The following L3MBTL4 variants were observed in gnomAD, a reference collection of about 807,000 sequenced individuals.
The protein encoded by L3MBTL4 is lethal(3)malignant brain tumor-like protein 4.
L3MBTL4 carries 70 observed loss-of-function variants against 84.5 expected under a neutral mutation model. That is an observed-to-expected ratio of 0.83 (90% confidence interval 0.68 to 1.01). The LOEUF (loss-of-function observed/expected upper bound fraction) is 1.01, where lower values mean the gene tolerates loss of function less well. Ranked by LOEUF, L3MBTL4 falls within the 50% of genes least tolerant of loss-of-function variation. L3MBTL4 has a pLI of 0.00. For synonymous variants in L3MBTL4, 274 were observed against 259.8 expected (o/e 1.05, Z -0.52); for missense variants, 715 against 754.8 (o/e 0.95, Z 0.62).
In L3MBTL4 at chr18:5,979,761, T is replaced by C. The variant is rs1344202109; in HGVS notation, c.1445-10199A>G. On this transcript the variant is annotated intron_variant, in intron 16 of 18. Coordinates refer to ENST00000317931, the MANE Select transcript of L3MBTL4 (RefSeq NM_001330559.2). ...CAGATAATCCTGAAAAGAAGGGTTG[T>C]CTCTTCTTTAGCAAGGTAAGCCTCT... Among the ~76,000 whole-genome samples the C allele has an allele frequency of 3.3e-5, 5 of 152,294 alleles. 1 individual carries two copies.
intron 1 of L3MBTL4, among the ~76,000 whole-genome samples, chr18:6,394,028 T>A (rs536805174): frequency 6.2e-4 from 88 of 141,860 alleles, no homozygotes; most frequent in African/African-American, 2.2e-3. Context: ...GCTCCTTCTG[T>A]CTGGAACTCT....
chr18:6,379,376 G>C (rs1194332246), intron 1 of L3MBTL4, among the ~76,000 whole-genome samples: 1 of 152,172 alleles, frequency 6.6e-6, no homozygotes, highest in East Asian at 1.9e-4. Flanking sequence ...TGGTGAGATA[G>C]GGCATCCTTG....
At chr18:6,176,774 T>C (rs2085217) in intron 12 of L3MBTL4, among the ~76,000 whole-genome samples, 2,647 of 152,188 alleles carry the variant, frequency 0.017, 76 homozygotes, top group African/African-American at 0.061. Context: ...GCCACAGGCA[T>C]TTGCAATACA....
At chr18:6,155,219 T>A (rs1171367155) in intron 13 of L3MBTL4, among the ~76,000 whole-genome samples, 1 of 152,192 alleles carries the variant, frequency 6.6e-6, no homozygotes, top group East Asian at 1.9e-4. Context: ...TTTCAGCTCA[T>A]TGGTGGTTAT....
intron 9 of L3MBTL4, among the ~76,000 whole-genome samples, chr18:6,239,069 C>T (rs1479716646): frequency 6.6e-6 from 1 of 152,052 alleles, no homozygotes; most frequent in East Asian, 1.9e-4. Context: ...TGGCCAGGCG[C>T]GGTGGCTCAC....
intron 16 of L3MBTL4, among the ~76,000 whole-genome samples, chr18:6,067,563 TTCTAG>T (rs1270259313): frequency 3.3e-5 from 5 of 152,192 alleles, no homozygotes; most frequent in Non-Finnish European, 7.3e-5. Context: ...CCAAGATTCT[TTCTAG>T]TCTATTGAAG....
In L3MBTL4 at chr18:6,366,165, C is replaced by T. The variant is rs149555778; in HGVS notation, c.-91+48636G>A. On this transcript the variant is annotated intron_variant, in intron 1 of 18. Transcript: ENST00000317931. ...AAAAATTATGTCTAAAATTTATAAA[C>T]TTAATAACTAAATTTAATAATTCCT... 6.3e-3 allele frequency among the ~76,000 whole-genome samples: 957 copies of T among 152,236 alleles called. 7 individuals carry two copies. Among genetic ancestry groups the T allele is most frequent in the Middle Eastern group, 0.01 (3 of 294 alleles).
chr18:6,014,247 C>T (rs2054861216), intron 16 of L3MBTL4, among the ~76,000 whole-genome samples: 2 of 152,158 alleles, frequency 1.3e-5, no homozygotes, highest in African/African-American at 4.8e-5. Context: ...CACTTCTCTA[C>T]CGTCTCTTAA....
chr18:6,018,418 T>C (rs1185081006), intron 16 of L3MBTL4, among the ~76,000 whole-genome samples: 2 of 152,176 alleles, frequency 1.3e-5, no homozygotes, highest in East Asian at 1.9e-4. Context: ...CTGCAAAGGC[T>C]AGAACCATGG....
chr18:6,281,205 T>C (rs1274474543), intron 4 of L3MBTL4, among the ~76,000 whole-genome samples: 4 of 152,190 alleles, frequency 2.6e-5, no homozygotes, highest in Admixed American at 2.6e-4. Flanking sequence ...AATAAATTAG[T>C]TTAACATAAT....
intron 16 of L3MBTL4, among the ~76,000 whole-genome samples, chr18:6,032,475 G>T (rs1019450707): frequency 6.6e-6 from 1 of 151,704 alleles, no homozygotes; most frequent in South Asian, 2.1e-4. Context: ...TTGTGATTGT[G>T]GGGGCTGGTA....
chr18:6,336,637 C>G (rs1249326525), intron 1 of L3MBTL4, among the ~76,000 whole-genome samples: 1 of 152,204 alleles, frequency 6.6e-6, no homozygotes, highest in Non-Finnish European at 1.5e-5. Flanking sequence ...AAACTGTAAC[C>G]TAACTTCACC....
chr18:6,409,452 T>G (rs909945194), intron 1 of L3MBTL4, among the ~76,000 whole-genome samples: 7 of 152,162 alleles, frequency 4.6e-5, no homozygotes, highest in African/African-American at 1.7e-4. Flanking sequence ...GCATCAGTGT[T>G]GGGGCTCTAT....
At chr18:6,088,823 A>G in intron 15 of L3MBTL4, among the ~76,000 whole-genome samples, 1 of 152,188 alleles carries the variant, frequency 6.6e-6, no homozygotes, top group East Asian at 1.9e-4. Flanking sequence ...CAAGATCATT[A>G]AGGAACTATT....
intron 5 of L3MBTL4, among the ~76,000 whole-genome samples, chr18:6,252,063 G>A (rs1004220700): frequency 2.0e-5 from 3 of 152,350 alleles, no homozygotes; most frequent in South Asian, 2.1e-4. Flanking sequence ...TGCAATCCCA[G>A]CACTTTGGGA....
Position 6,164,015 on chromosome 18 carries a change from G to T in L3MBTL4, c.1096+7813C>A, listed in dbSNP as rs182333780. Among the ~76,000 whole-genome samples the T allele has an allele frequency of 3.3e-3, 501 of 152,304 alleles. 5 individuals are homozygous for T. Among genetic ancestry groups the T allele is most frequent in the Middle Eastern group, 0.01 (3 of 294 alleles). On this transcript the variant is annotated intron_variant, in intron 13 of 18. Coordinates refer to ENST00000317931, the MANE Select transcript of L3MBTL4 (RefSeq NM_001330559.2). ...CACTTTTCCAACAGGCTTAACAAAC[G>T]GCACACCAGGAGATTATATCCTGCA...
intron 16 of L3MBTL4, among the ~76,000 whole-genome samples, chr18:5,992,130 G>C (rs2053728194): frequency 6.6e-6 from 1 of 152,188 alleles, no homozygotes; most frequent in Non-Finnish European, 1.5e-5. Flanking sequence ...TATGTGGAAA[G>C]AATCGGTTGC....
chr18:5,958,801 G>A (rs946834726), intron 18 of L3MBTL4, among the ~76,000 whole-genome samples: 1 of 152,218 alleles, frequency 6.6e-6, no homozygotes, highest in Non-Finnish European at 1.5e-5. Flanking sequence ...GTTTCAGAGA[G>A]GAGGGATAAG....
At chr18:6,070,652 A>G (rs1006848651) in intron 16 of L3MBTL4, among the ~76,000 whole-genome samples, 3 of 150,156 alleles carry the variant, frequency 2.0e-5, no homozygotes. Flanking sequence ...TCCCATCTTT[A>G]CAAAAAACAA....
Sources: gnomAD v4.1 joint callset for allele counts (sites outside exome capture counted in the v4.1 genomes callset) on GRCh38, gnomAD v4.1.1 for gene constraint, MANE v1.5 for transcripts, NCBI Gene and HGNC (gene_info 2026-07-23, HGNC 2026-07-21) for gene names.